The following NEGR1 variants were observed in gnomAD, a reference collection of about 807,000 sequenced individuals.
The protein encoded by NEGR1 is neuronal growth regulator 1, also known as IgLON family member 4.
NEGR1 carries 10 observed loss-of-function variants against 40.9 expected under a neutral mutation model. The observed-to-expected ratio is 0.24, with a 90% CI of 0.15 to 0.42. NEGR1 has a LOEUF of 0.42. NEGR1 is among the 10% of genes least tolerant of loss of function. The pLI, the probability that NEGR1 is intolerant of heterozygous loss-of-function variation, is 1.00. For synonymous variants in NEGR1, 185 were observed against 166.8 expected (o/e 1.11, Z -0.84); for missense variants, 352 against 438.9 (o/e 0.80, Z 1.77).
At chr1:72,224,495 G>A (rs1189259110) in intron 1 of NEGR1, among the ~76,000 whole-genome samples, 1 of 152,028 alleles carries the variant, frequency 6.6e-6, no homozygotes, top group Non-Finnish European at 1.5e-5. Context: ...ATTATTTGCT[G>A]TTTACACGCA....
intron 4 of NEGR1, among the ~76,000 whole-genome samples, chr1:71,617,150 T>C (rs1650471834): frequency 1.3e-5 from 2 of 152,210 alleles, no homozygotes; most frequent in African/African-American, 4.8e-5. Context: ...ATGATTCTCG[T>C]GACTAACCAC....
chr1:71,922,428 G>C (rs1177399247), intron 2 of NEGR1, among the ~76,000 whole-genome samples: 1 of 152,274 alleles, frequency 6.6e-6, no homozygotes, highest in Admixed American at 6.5e-5. Flanking sequence ...AGGCAAAAAT[G>C]AGTGCATAAT....
Position 71,580,208 on chromosome 1 carries a change from CA to C in NEGR1, c.940+12608del, listed in dbSNP as rs544614147. ...CATTCTCAGTAAACTATCCCAAGAA[CA>C]AAAAACCAAACACCGCATATTCTCA... On this transcript the variant is annotated intron_variant, in intron 6 of 6. Coordinates refer to ENST00000357731, the MANE Select transcript of NEGR1 (RefSeq NM_173808.3). Among the ~76,000 whole-genome samples, 93 of 150,606 alleles carry C rather than the reference CA, an allele frequency of 6.2e-4. 2 individuals carry two copies. In the South Asian group the frequency reaches 8.0e-3, roughly 13 times the overall value.
At position 71,398,825 on chromosome 1, in the gene NEGR1, T is replaced by C. The variant is rs1159031289; in HGVS notation, c.*8621A>G. The C allele has an allele frequency of 6.6e-6, 1 of 152,152 alleles. No homozygotes were observed. The highest frequency in any genetic ancestry group is 1.5e-5 in the Non-Finnish European group (1 of 68,020). The allele number at this position is 152,152 out of a possible 1,614,324, so 9.4% of individuals were successfully genotyped here. On this transcript the variant is annotated 3_prime_UTR_variant, in exon 7 of 7. Coordinates refer to ENST00000357731, the MANE Select transcript of NEGR1 (RefSeq NM_173808.3). ...GTGGGAGGGACTTGGTGGGAGGTAATTGAATCATGGGAGCAGGTCTTTCCC... is the reference window on the plus strand; with the variant it reads ...GTGGGAGGGACTTGGTGGGAGGTAACTGAATCATGGGAGCAGGTCTTTCCC...
intron 1 of NEGR1, chr1:72,274,942 T>C: frequency 6.5e-7 from 1 of 1,541,720 alleles, no homozygotes; most frequent in South Asian, 1.1e-5. Flanking sequence ...CATGATCTCC[T>C]TTGCGCACGA....
intron 6 of NEGR1, among the ~76,000 whole-genome samples, chr1:71,419,325 A>G (rs189739415): frequency 9.8e-5 from 15 of 152,360 alleles, no homozygotes; most frequent in Non-Finnish European, 2.1e-4. Flanking sequence ...CCTATGCTCC[A>G]TGGTGCTTTG....
rs182455399 is a variant in NEGR1 at position 72,268,925 on chromosome 1, T to C, written c.176+13394A>G. Among the ~76,000 whole-genome samples the C allele has an allele frequency of 7.9e-5, 12 of 151,384 alleles. No homozygotes were observed. In the East Asian group the frequency reaches 1.6e-3, roughly 20 times the overall value. On this transcript the variant is annotated intron_variant, in intron 1 of 6. Coordinates refer to ENST00000357731, the MANE Select transcript of NEGR1 (RefSeq NM_173808.3). Reference sequence around the variant, plus strand: ...CTTTTTTAACAATATGAGAGAAAAATAGTACTGCACTGGAAAAGCTTTGGA... The same window carrying C: ...CTTTTTTAACAATATGAGAGAAAAACAGTACTGCACTGGAAAAGCTTTGGA...
intron 3 of NEGR1, among the ~76,000 whole-genome samples, chr1:71,733,089 C>A (rs541077926): frequency 7.2e-6 from 1 of 139,558 alleles, no homozygotes; most frequent in Admixed American, 7.1e-5. Flanking sequence ...TTTTTTTTTC[C>A]TACAGATCAT....
intron 2 of NEGR1, among the ~76,000 whole-genome samples, chr1:71,875,434 T>A (rs999525837): frequency 1.3e-5 from 2 of 152,156 alleles, no homozygotes; most frequent in Non-Finnish European, 2.9e-5. Context: ...TCATTCTGAG[T>A]CTTTGGAATT....
intron 1 of NEGR1, among the ~76,000 whole-genome samples, chr1:71,998,200 T>C (rs1470802769): frequency 6.6e-6 from 1 of 151,876 alleles, no homozygotes; most frequent in Non-Finnish European, 1.5e-5. Flanking sequence ...ATGAGGCTAA[T>C]CATAATACTT....
intron 2 of NEGR1, among the ~76,000 whole-genome samples, chr1:71,904,936 A>G (rs1052883945): frequency 3.9e-5 from 6 of 152,138 alleles, no homozygotes; most frequent in Non-Finnish European, 7.4e-5. Flanking sequence ...AAAGCTTCCA[A>G]TACAGACACG....
intron 1 of NEGR1, among the ~76,000 whole-genome samples, chr1:72,239,260 T>C (rs1654658047): frequency 6.6e-6 from 1 of 151,834 alleles, no homozygotes; most frequent in African/African-American, 2.4e-5. Context: ...GCTTTATCCC[T>C]AAGTATATCA....
chr1:71,426,999 T>C (rs1224949342), intron 6 of NEGR1, among the ~76,000 whole-genome samples: 1 of 152,158 alleles, frequency 6.6e-6, no homozygotes, highest in Non-Finnish European at 1.5e-5. Flanking sequence ...TTCATCTATA[T>C]TTTAGCTTTC....
chr1:72,157,380 A>G (rs1391198636), intron 1 of NEGR1, among the ~76,000 whole-genome samples: 1 of 152,208 alleles, frequency 6.6e-6, no homozygotes, highest in Non-Finnish European at 1.5e-5. Flanking sequence ...ACATTATGAT[A>G]AAAGATACAT....
chr1:72,108,225 A>C (rs888725607), intron 1 of NEGR1, among the ~76,000 whole-genome samples: 3 of 151,662 alleles, frequency 2.0e-5, no homozygotes, highest in African/African-American at 7.2e-5. Flanking sequence ...AAAAAGATTC[A>C]GATTTTCTGA....
chr1:71,688,325 T>TATATATATATATATATATATATAG (rs1475341609), intron 4 of NEGR1, among the ~76,000 whole-genome samples: 5 of 103,234 alleles, frequency 4.8e-5, no homozygotes, highest in Non-Finnish European at 9.5e-5. Flanking sequence ...TATATATATA[T>TATATATATATATATATATATATAG]ATAGATAGAT....
At chr1:71,540,379 T>A (rs1230223760) in intron 6 of NEGR1, among the ~76,000 whole-genome samples, 1 of 151,804 alleles carries the variant, frequency 6.6e-6, no homozygotes. Context: ...CCTAGATACC[T>A]GGTAATTAAG....
chr1:71,621,622 A>T (rs1251059070), intron 4 of NEGR1, among the ~76,000 whole-genome samples: 1 of 151,946 alleles, frequency 6.6e-6, no homozygotes, highest in East Asian at 1.9e-4. Flanking sequence ...TTGGTAAAAA[A>T]ATTTTCGGAG....
chr1:71,712,021 G>T (rs1327595193), intron 3 of NEGR1, among the ~76,000 whole-genome samples: 3 of 152,238 alleles, frequency 2.0e-5, no homozygotes, highest in African/African-American at 7.2e-5. Context: ...GGTGGAGAAG[G>T]GGAGGCTGGT....
Sources: allele counts gnomAD v4.1 joint callset (sites outside exome capture counted in the v4.1 genomes callset), GRCh38; gene constraint gnomAD v4.1.1; transcripts MANE v1.5; gene names NCBI Gene and HGNC (gene_info 2026-07-23, HGNC 2026-07-21).